ACVR1C: variants seen among roughly 807,000 people sequenced by gnomAD.
The protein encoded by ACVR1C is activin A receptor type 1C.
A neutral mutation model predicts 57.9 loss-of-function variants in ACVR1C; 23 were observed. That is an observed-to-expected ratio of 0.40 (90% CI 0.29 to 0.56). The LOEUF is 0.56. ACVR1C is among the 20% of genes least tolerant of loss of function. The probability of loss-of-function intolerance (pLI) is 0.50; values close to 1 mark genes in which losing one functional copy is unlikely to be tolerated. For missense variants in ACVR1C, 480 were observed against 607.9 expected (o/e 0.79, Z 2.21); for synonymous variants, 214 against 215.3 (o/e 0.99, Z 0.05).
In ACVR1C at chr2:157,529,975, T is replaced by C. The variant is rs374520851; in HGVS notation, c.*3943A>G. ...AAAAGAATTACTGTTTTCACTAAAA[T>C]AGCAGAAAAACTCCATGTAGGTATC... On this transcript the variant is annotated 3_prime_UTR_variant, in exon 9 of 9. Transcript: ENST00000243349. 20 of 152,158 alleles carry C rather than the reference T, an allele frequency of 1.3e-4. No homozygotes were observed. In the East Asian group the frequency reaches 2.5e-3, roughly 19 times the overall value. 9.4% of individuals were successfully genotyped at this position (152,158 alleles called of 1,614,324 possible).
chr2:157,589,650 AT>A (rs932443571), intron 1 of ACVR1C, among the ~76,000 whole-genome samples: 11 of 151,950 alleles, frequency 7.2e-5, no homozygotes, highest in Non-Finnish European at 1.2e-4. Context: ...AAAATACAAC[AT>A]TTTTCACAGA....
chr2:157,528,141 C>T lies in ACVR1C; in HGVS notation c.*5777G>A, dbSNP rs938087239. 6.6e-6 allele frequency: 1 copy of T among 152,116 alleles called. No homozygotes were observed. The highest frequency in any genetic ancestry group is 1.5e-5 in the Non-Finnish European group (1 of 68,012). The allele number at this position is 152,116 out of a possible 1,614,324, so 9.4% of individuals were successfully genotyped here. A position where few individuals can be genotyped will look rare whatever the true frequency, so the allele number is the denominator to read the frequency against. On this transcript the variant is annotated 3_prime_UTR_variant, in exon 9 of 9. Transcript: ENST00000243349. ...TAAACACATATAAGCCAATAAGATG[C>T]TTCTCTGTAAAATATAAAATTATGT... is the stretch of plus-strand genomic sequence containing the variant.
chr2:157,554,278 A>AG (rs1688024217), intron 3 of ACVR1C, among the ~76,000 whole-genome samples: 2 of 136,032 alleles, frequency 1.5e-5, no homozygotes, highest in Admixed American at 1.4e-4. Context: ...AAAGGAAGGA[A>AG]GGAAGAGAGA....
In ACVR1C at chr2:157,538,694, T is replaced by A. The variant is rs1687545720; in HGVS notation, c.1235A>T (p.Glu412Val). The change falls in exon 8 of 9, where the codon GAG becomes GTG. Residue 412 changes from glutamate to valine, a missense_variant. Physicochemically the swap from Glu to Val is moderately radical, Grantham distance 121. Coordinates refer to ENST00000243349, the MANE Select transcript of ACVR1C (RefSeq NM_145259.3). Reference sequence around the variant, plus strand: ...GTCATAATAAGGCAATTGGTACTCCTCAACAATTCCTGTAAGAAATTTGTA... The same window carrying A: ...GTCATAATAAGGCAATTGGTACTCCACAACAATTCCTGTAAGAAATTTGTA... Reference protein sequence around the residue: ...ARRCSVGGIVEEYQLPYYDMV... With the variant: ...ARRCSVGGIVVEYQLPYYDMV... 6.7e-7 allele frequency: 1 copy of A among 1,486,888 alleles called. No individual in the cohort carries two copies. Among genetic ancestry groups the A allele is most frequent in the Admixed American group, 2.4e-5 (1 of 41,588 alleles). The allele number at this position is 1,486,888 out of a possible 1,614,324, so 92.1% of individuals were successfully genotyped here.
intron 1 of ACVR1C, among the ~76,000 whole-genome samples, chr2:157,596,998 T>G (rs1415545431): frequency 6.6e-6 from 1 of 151,912 alleles, no homozygotes; most frequent in African/African-American, 2.4e-5. Flanking sequence ...CGGCTGGGGC[T>G]GCGGGTAAGG....
At chr2:157,594,079 G>A (rs1330923362) in intron 1 of ACVR1C, among the ~76,000 whole-genome samples, 1 of 152,142 alleles carries the variant, frequency 6.6e-6, no homozygotes, top group African/African-American at 2.4e-5. Context: ...ATTCTGTCCA[G>A]GAGAACTGCT....
At chr2:157,581,344 A>G (rs1359906126) in intron 2 of ACVR1C, among the ~76,000 whole-genome samples, 1 of 152,208 alleles carries the variant, frequency 6.6e-6, no homozygotes, top group African/African-American at 2.4e-5. Context: ...AAAATATGAA[A>G]AAAAGGGTTT....
intron 1 of ACVR1C, among the ~76,000 whole-genome samples, chr2:157,604,304 A>G (rs1682345132): frequency 6.6e-6 from 1 of 152,038 alleles, no homozygotes; most frequent in Non-Finnish European, 1.5e-5. Flanking sequence ...ACTGCTGGCA[A>G]GCAGTGATAT....
chr2:157,576,565 G>A (rs1300522011), intron 2 of ACVR1C, among the ~76,000 whole-genome samples: 2 of 152,086 alleles, frequency 1.3e-5, no homozygotes, highest in East Asian at 3.9e-4. Flanking sequence ...TCATTTTCTT[G>A]TCAACTTGGG....
intron 4 of ACVR1C, among the ~76,000 whole-genome samples, chr2:157,549,289 C>T (rs1687851177): frequency 6.6e-6 from 1 of 152,118 alleles, no homozygotes; most frequent in Non-Finnish European, 1.5e-5. Context: ...CGCTTGAACC[C>T]AGGAGGTGGA....
intron 8 of ACVR1C, 83 bp from the exon 9 acceptor site, chr2:157,534,126 G>T: frequency 8.2e-7 from 1 of 1,221,224 alleles, no homozygotes; most frequent in Non-Finnish European, 1.1e-6. Flanking sequence ...ATAAATCCAG[G>T]AATTGATGCT....
chr2:157,562,417 A>G (rs1048598884), intron 2 of ACVR1C, among the ~76,000 whole-genome samples: 6 of 146,922 alleles, frequency 4.1e-5, no homozygotes, highest in Non-Finnish European at 6.0e-5. Flanking sequence ...GACCAATAAC[A>G]AGTTGTGAAA....
intron 4 of ACVR1C, among the ~76,000 whole-genome samples, chr2:157,549,124 G>A (rs889525929): frequency 6.6e-6 from 1 of 152,172 alleles, no homozygotes; most frequent in South Asian, 2.1e-4. Context: ...AGGAGGCCGA[G>A]GGGGGTGGAT....
At chr2:157,578,794 A>G (rs12992783) in intron 2 of ACVR1C, among the ~76,000 whole-genome samples, 1 of 152,216 alleles carries the variant, frequency 6.6e-6, no homozygotes, top group Non-Finnish European at 1.5e-5. Flanking sequence ...TATTGAGAAG[A>G]CAATGTTAAT....
At chr2:157,577,376 T>C (rs940416287) in intron 2 of ACVR1C, among the ~76,000 whole-genome samples, 1 of 152,144 alleles carries the variant, frequency 6.6e-6, no homozygotes, top group African/African-American at 2.4e-5. Context: ...CCTCCGAGAT[T>C]GTGGACTTCT....
chr2:157,624,453 G>A (rs1433355246), intron 1 of ACVR1C, among the ~76,000 whole-genome samples: 1 of 152,182 alleles, frequency 6.6e-6, no homozygotes, highest in African/African-American at 2.4e-5. Flanking sequence ...GTATTCAAAA[G>A]GAAACTACTC....
chr2:157,541,251 CT>C (rs774600892), intron 6 of ACVR1C, 37 bp from the exon 7 acceptor site: 10 of 1,582,614 alleles, frequency 6.3e-6, no homozygotes, highest in Non-Finnish European at 8.6e-6. Flanking sequence ...CTGTCTATGA[CT>C]TTATAGCAGT....
chr2:157,554,259 GAAAGAAAGA>G lies in ACVR1C; in HGVS notation c.544+1825_544+1833del, dbSNP rs1558975065. On this transcript the variant is annotated intron_variant, in intron 3 of 8. Coordinates refer to ENST00000243349, the MANE Select transcript of ACVR1C (RefSeq NM_145259.3). Reference sequence around the variant, plus strand: ...AGAAAGAAAGAAAGAAAGAAAGAAAGAAAGAAAGAAAGGAAGGAAGGAAGAGAGAGAGAG... The same window carrying G: ...AGAAAGAAAGAAAGAAAGAAAGAAAGAAGGAAGGAAGGAAGAGAGAGAGAG... 3.8e-4 allele frequency among the ~76,000 whole-genome samples: 48 copies of G among 125,412 alleles called. 1 individual carries two copies. Among genetic ancestry groups the G allele is most frequent in the South Asian group, 9.7e-4 (4 of 4,114 alleles). 82.3% of individuals were successfully genotyped at this position (125,412 alleles called of 152,430 possible). A position where few individuals can be genotyped will look rare whatever the true frequency, so the allele number is the denominator to read the frequency against.
At chr2:157,549,829 CAAAAAAAA>C (rs1173469291) in intron 4 of ACVR1C, among the ~76,000 whole-genome samples, 18 of 47,542 alleles carry the variant, frequency 3.8e-4, no homozygotes, top group East Asian at 2.0e-3. Flanking sequence ...ACTAAAAATA[CAAAAAAAA>C]AAAAAAAAAA....
Sources: gnomAD v4.1 joint callset for allele counts (sites outside exome capture counted in the v4.1 genomes callset) on GRCh38, gnomAD v4.1.1 for gene constraint, MANE v1.5 for transcripts, NCBI Gene and HGNC (gene_info 2026-07-23, HGNC 2026-07-21) for gene names.